The following PTGIR variants were observed in gnomAD, a reference collection of about 807,000 sequenced individuals.
PTGIR encodes the protein prostaglandin I2 receptor.
A neutral mutation model predicts 17.6 loss-of-function variants in PTGIR; 16 were observed. The observed-to-expected ratio is 0.91, with a 90% CI of 0.61 to 1.38. The LOEUF is 1.38. PTGIR is among the 40% of genes most tolerant of loss of function. The pLI, the probability that PTGIR is intolerant of heterozygous loss-of-function variation, is 0.00. For missense variants in PTGIR, 532 were observed against 548.6 expected (o/e 0.97, Z 0.30); for synonymous variants, 274 against 255.4 (o/e 1.07, Z -0.69).
At chr19:46,619,604 G>GGAAAGAA (rs1555816590), downstream of PTGIR, among the ~76,000 whole-genome samples, 1 of 67,204 alleles carries the variant, frequency 1.5e-5, no homozygotes, top group Non-Finnish European at 2.7e-5. Flanking sequence ...AAGAAAGAAA[G>GGAAAGAA]GAAAGAAAGA....
At chr19:46,612,027 A>C in the PTGIR span, among the ~76,000 whole-genome samples, 1 of 152,226 alleles carries the variant, frequency 6.6e-6, no homozygotes, top group East Asian at 1.9e-4. Context: ...GGTGCATCCC[A>C]GTCACCGGAG....
chr19:46,617,682 A>G (rs1599766994), downstream of PTGIR, among the ~76,000 whole-genome samples: 6 of 152,194 alleles, frequency 3.9e-5, 1 homozygote, highest in Non-Finnish European at 1.5e-5. Flanking sequence ...CAGAGAGAGG[A>G]GGTGAGCACC....
In PTGIR at chr19:46,621,649, G is replaced by A. The variant is rs140989217; in HGVS notation, c.792C>T (p.Val264=). The change falls in exon 3 of 3, where the codon GTC becomes GTT. Residue 264 remains valine (V), a synonymous_variant. Coordinates refer to ENST00000291294, the MANE Select transcript of PTGIR (RefSeq NM_000960.4). This position sits in a 1 kb window ranked among gnomAD's most constrained non-coding sequence, Gnocchi z 4.8. ...CCATCTCACTGCTGCTGTCAGGGGC[G>A]ACAGCCTGGGTGAAGCAGCGGATCT... ...PLTIRCFTQA[V]APDSSSEMGD... is the part of the protein sequence containing the mutation. 21 of 1,612,610 alleles carry A rather than the reference G, an allele frequency of 1.3e-5. No individual in the cohort carries two copies. In the Middle Eastern group the frequency reaches 5.0e-4, roughly 38 times the overall value.
In PTGIR at chr19:46,621,598, G is replaced by A. The variant is rs778174017; in HGVS notation, c.843C>T (p.Tyr281=). 38 of 1,613,674 alleles carry A rather than the reference G, an allele frequency of 2.4e-5. No homozygotes were observed. The highest frequency in any genetic ancestry group is 1.6e-4 in the East Asian group (7 of 44,898). The change falls in exon 3 of 3, where the codon TAC becomes TAT. Residue 281 remains tyrosine, a synonymous_variant. Transcript: ENST00000291294. The surrounding 1 kb of genome is among the most constrained non-coding windows in gnomAD (Gnocchi z 4.8). ...AGGGGTCCAGGATGGGGTTGAAGGCGTAGAAGCGGAAGGCAAGGAGGTCCC... is the reference window on the plus strand; with the variant it reads ...AGGGGTCCAGGATGGGGTTGAAGGCATAGAAGCGGAAGGCAAGGAGGTCCC... The part of the protein sequence containing the change: ...EMGDLLAFRF[Y]AFNPILDPWV...
Position 46,624,014 on chromosome 19 carries a change from A to ACGGC in PTGIR, c.208_211dup (p.Val71GlyfsTer198). 1 of 1,544,438 alleles carries ACGGC rather than the reference A, an allele frequency of 6.5e-7. No homozygotes were observed. The highest frequency in any genetic ancestry group is 8.7e-7 in the Non-Finnish European group (1 of 1,144,264). ...GCTGTTGCGCGCATAGGCCACGAAC[A>ACGGC]CGGCCGGGCTCAGGAAGCTGGTGCC... On this transcript the variant is annotated frameshift_variant, in exon 2 of 3. Coordinates refer to ENST00000291294, the MANE Select transcript of PTGIR (RefSeq NM_000960.4). LOFTEE classifies it high-confidence loss of function.
downstream of PTGIR, among the ~76,000 whole-genome samples, chr19:46,619,663 AAAG>A (rs780837846): frequency 1.7e-5 from 2 of 116,836 alleles, no homozygotes; most frequent in Non-Finnish European, 3.8e-5. Flanking sequence ...GAAAAGAAAG[AAAG>A]AAAGAAAGAG....
Position 46,620,953 on chromosome 19 carries a change from CTG to C in PTGIR, c.*325_*326del. 1 of 1,034,350 alleles carries C rather than the reference CTG, an allele frequency of 9.7e-7. No homozygotes were observed. The highest frequency in any genetic ancestry group is 1.2e-6 in the Non-Finnish European group (1 of 862,298). 64.1% of individuals were successfully genotyped at this position (1,034,350 alleles called of 1,614,324 possible). Reference sequence around the variant, plus strand: ...AGCACCCAGACCAGAGCAGACCTGACTGTACAGAAGCCTCTGGGAACTTCTCC... The same window carrying C: ...AGCACCCAGACCAGAGCAGACCTGACTACAGAAGCCTCTGGGAACTTCTCC... On this transcript the variant is annotated 3_prime_UTR_variant, in exon 3 of 3. Transcript: ENST00000291294.
chr19:46,615,079 G>A, the PTGIR span, among the ~76,000 whole-genome samples: 2 of 152,072 alleles, frequency 1.3e-5, no homozygotes, highest in Non-Finnish European at 2.9e-5. Context: ...ATCTCAGCTA[G>A]TCGAGAGGCT....
In PTGIR at chr19:46,623,541, G is replaced by A. The variant is rs1425817585; in HGVS notation, c.685C>T (p.Arg229Cys). Residue 229 changes from arginine (R) to cysteine (C), a missense_variant, in exon 2 of 3, where the codon CGC becomes TGC. Arg to Cys is a radical substitution (Grantham distance 180, BLOSUM62 -3). Transcript: ENST00000291294. ...RHQGSLGPRPRTGEDEVDHLI... is the reference protein window; with the variant it reads ...RHQGSLGPRPCTGEDEVDHLI... ...TGGTCCACCTCGTCCTCTCCGGTGC[G>A]CGGCCGTGGACCCAGAGAGCCCTGG... is the stretch of plus-strand genomic sequence containing the variant. 7.1e-6 allele frequency: 11 copies of A among 1,559,208 alleles called. No homozygotes were observed. The highest frequency in any genetic ancestry group is 3.5e-5 in the South Asian group (3 of 84,628).
Position 46,621,096 on chromosome 19 carries a change from C to T in PTGIR, c.*184G>A. On this transcript the variant is annotated 3_prime_UTR_variant, in exon 3 of 3. Transcript: ENST00000291294. This position sits in a 1 kb window ranked among gnomAD's most constrained non-coding sequence, Gnocchi z 4.8. ...TTTCTGCACTCCAGGATAAACGTTT[C>T]CTCTGTCCCTCACTCTCTTCCCAGA... 2 of 1,282,844 alleles carry T rather than the reference C, an allele frequency of 1.6e-6. No homozygotes were observed. Among genetic ancestry groups the T allele is most frequent in the Non-Finnish European group, 2.0e-6 (2 of 1,015,934 alleles). 79.5% of individuals were successfully genotyped at this position (1,282,844 alleles called of 1,614,324 possible). A position where few individuals can be genotyped will look rare whatever the true frequency, so the allele number is the denominator to read the frequency against.
chr19:46,617,792 A>G (rs1971983648), downstream of PTGIR, among the ~76,000 whole-genome samples: 1 of 151,028 alleles, frequency 6.6e-6, no homozygotes, highest in African/African-American at 2.4e-5. Flanking sequence ...TGACAAAGTC[A>G]GGTCCCAATC....
chr19:46,612,033 C>T, the PTGIR span, among the ~76,000 whole-genome samples: 379 of 152,340 alleles, frequency 2.5e-3, 11 homozygotes, highest in East Asian at 0.036. Context: ...TCCCAGTCAC[C>T]GGAGCCAGCG....
At chr19:46,622,523 A>T in intron 2 of PTGIR, 1 of 407,200 alleles carries the variant, frequency 2.5e-6, no homozygotes, top group Non-Finnish European at 3.3e-6. Flanking sequence ...GAAGTGCTCA[A>T]TGAGTGGTGG....
downstream of PTGIR, among the ~76,000 whole-genome samples, chr19:46,619,577 G>A (rs747771569): frequency 0.1 from 10,923 of 104,218 alleles, 943 homozygotes; most frequent in Non-Finnish European, 0.13. Context: ...GAGAGAGAGA[G>A]AGAGAGAAAG....
At chr19:46,619,604 G>GGAAAGAATGAAAGAAAGAAA (rs1555816590), downstream of PTGIR, among the ~76,000 whole-genome samples, 13 of 67,200 alleles carry the variant, frequency 1.9e-4, no homozygotes, top group Non-Finnish European at 1.9e-4. Flanking sequence ...AAGAAAGAAA[G>GGAAAGAATGAAAGAAAGAAA]GAAAGAAAGA....
In PTGIR at chr19:46,621,754, C is replaced by A; in HGVS notation, c.769-82G>T. 6.6e-7 allele frequency: 1 copy of A among 1,518,732 alleles called. No homozygotes were observed. The highest frequency in any genetic ancestry group is 8.8e-7 in the Non-Finnish European group (1 of 1,132,310). The allele number at this position is 1,518,732 out of a possible 1,614,324, so 94.1% of individuals were successfully genotyped here. A position where few individuals can be genotyped will look rare whatever the true frequency, so the allele number is the denominator to read the frequency against. ...TGGCTCCCTCCTCCCACTTGCTTAC[C>A]AGGGATGAGGTAGGGGTGACATGTC... On this transcript the variant is annotated intron_variant, in intron 2 of 2. Transcript: ENST00000291294. The surrounding 1 kb of genome is among the most constrained non-coding windows in gnomAD (Gnocchi z 4.8).
Position 46,623,626 on chromosome 19 carries a change from GA to G in PTGIR, c.599del (p.Phe200SerfsTer39). The G allele has an allele frequency of 6.5e-7, 1 of 1,549,532 alleles. No homozygotes were observed. The highest frequency in any genetic ancestry group is 1.2e-5 in the South Asian group (1 of 84,238). On this transcript the variant is annotated frameshift_variant, in exon 2 of 3. Coordinates refer to ENST00000291294, the MANE Select transcript of PTGIR (RefSeq NM_000960.4). LOFTEE classifies it high-confidence loss of function. ...TGAGGGTGACCGAGCCGTTGCAGAG[GA>G]AGATGGCAGCCACCAGCAGGGCCAC... is the stretch of plus-strand genomic sequence containing the variant. ...GLVALLVAAI[F>X]LCNGSVTLSL...
At chr19:46,614,021 A>T in the PTGIR span, among the ~76,000 whole-genome samples, 1 of 152,238 alleles carries the variant, frequency 6.6e-6, no homozygotes. Flanking sequence ...AATCAAAGAC[A>T]AATAGACCGC....
chr19:46,619,033 G>C (rs1040992992), downstream of PTGIR, among the ~76,000 whole-genome samples: 3 of 152,180 alleles, frequency 2.0e-5, no homozygotes, highest in Non-Finnish European at 4.4e-5. Context: ...AGAGGGAATT[G>C]CTTAATCCCC....
Sources: gnomAD v4.1 joint callset for allele counts (sites outside exome capture counted in the v4.1 genomes callset) on GRCh38, gnomAD v4.1.1 for gene constraint, Gnocchi (gnomAD v3.1) non-coding constraint, MANE v1.5 for transcripts, NCBI Gene and HGNC (gene_info 2026-07-23, HGNC 2026-07-21) for gene names.